The following PCDH9 variants were observed in gnomAD, a reference collection of about 807,000 sequenced individuals.
PCDH9 encodes the protein protocadherin-9.
In PCDH9, 24 loss-of-function variants were observed where a neutral mutation model predicts 70.6. The ratio of observed to expected loss-of-function variants is 0.34; its 90% CI spans 0.25 to 0.48. The LOEUF (loss-of-function observed/expected upper bound fraction) is 0.48. Ranked by LOEUF, PCDH9 falls within the 20% of genes least tolerant of loss-of-function variation. The probability of loss-of-function intolerance (pLI) is 0.99; values close to 1 mark genes in which losing one functional copy is unlikely to be tolerated. For synonymous variants in PCDH9, 562 were observed against 558.5 expected (o/e 1.01, Z -0.09); for missense variants, 1,281 against 1,503.6 (o/e 0.85, Z 2.45).
intron 4 of PCDH9, among the ~76,000 whole-genome samples, chr13:66,629,384 G>A (rs148382667): frequency 2.6e-5 from 4 of 152,310 alleles, no homozygotes; most frequent in African/African-American, 9.6e-5. Flanking sequence ...AACAAGAGAT[G>A]TTTTAAAATT....
intron 3 of PCDH9, among the ~76,000 whole-genome samples, chr13:66,764,289 T>C (rs954447619): frequency 6.6e-6 from 1 of 151,474 alleles, no homozygotes. Context: ...TCTCATTCTG[T>C]CTTTATTTTA....
rs1419043731 is a variant in PCDH9 at position 66,303,267 on chromosome 13, T to C, written c.*1388A>G. The C allele has an allele frequency of 6.6e-6, 1 of 152,482 alleles. No individual in the cohort carries two copies. Among genetic ancestry groups the C allele is most frequent in the Non-Finnish European group, 1.5e-5 (1 of 67,982 alleles). The allele number at this position is 152,482 out of a possible 1,614,324, so 9.4% of individuals were successfully genotyped here. ...AAAACCTCCTAAGAATGTTCGAATT[T>C]GGATTTGTTTGCACGTGCAACTGAG... is the stretch of plus-strand genomic sequence containing the variant. On this transcript the variant is annotated 3_prime_UTR_variant, in exon 5 of 5. Transcript: ENST00000377865.
rs73505814 is a variant in PCDH9 at position 66,319,498 on chromosome 13, T to C, written c.3341-14470A>G. On this transcript the variant is annotated intron_variant, in intron 4 of 4. Transcript: ENST00000377865. Reference sequence around the variant, plus strand: ...GCCATGGCTTGAGCATCTTTCAGTGTGCTGGCATAAAAGAAATGGCACTCA... The same window carrying C: ...GCCATGGCTTGAGCATCTTTCAGTGCGCTGGCATAAAAGAAATGGCACTCA... Among the ~76,000 whole-genome samples the C allele has an allele frequency of 9.4e-3, 1,430 of 151,622 alleles. 47 individuals carry two copies. Among genetic ancestry groups the C allele is most frequent in the African/African-American group, 0.033 (1,341 of 40,928 alleles).
chr13:66,771,587 A>C (rs2079807449), intron 3 of PCDH9, among the ~76,000 whole-genome samples: 1 of 152,170 alleles, frequency 6.6e-6, no homozygotes, highest in African/African-American at 2.4e-5. Flanking sequence ...ATGAACATCA[A>C]AGCCTAAAAC....
chr13:67,042,996 T>TCGCC (rs1173687212), intron 2 of PCDH9, among the ~76,000 whole-genome samples: 3 of 152,096 alleles, frequency 2.0e-5, no homozygotes, highest in Non-Finnish European at 4.4e-5. Flanking sequence ...ATTTGTAAAG[T>TCGCC]TCACAAGTTG....
At chr13:66,903,472 A>G (rs1250610567) in intron 3 of PCDH9, 32 bp downstream of exon 3, 1 of 855,678 alleles carries the variant, frequency 1.2e-6, no homozygotes, top group Non-Finnish European at 2.0e-6. Flanking sequence ...ATTTATCAGT[A>G]CTAACATGTT....
chr13:67,117,538 G>A (rs928721848), intron 2 of PCDH9, among the ~76,000 whole-genome samples: 1 of 151,990 alleles, frequency 6.6e-6, no homozygotes, highest in African/African-American at 2.4e-5. Flanking sequence ...TGAGAAACAC[G>A]GAAGTAAGAG....
chr13:66,767,546 G>A (rs1183693349), intron 3 of PCDH9, among the ~76,000 whole-genome samples: 1 of 152,004 alleles, frequency 6.6e-6, no homozygotes, highest in Admixed American at 6.6e-5. Context: ...CACCTTAATA[G>A]CAGTGTACCT....
At chr13:67,054,495 T>C (rs1288716782) in intron 2 of PCDH9, among the ~76,000 whole-genome samples, 2 of 152,192 alleles carry the variant, frequency 1.3e-5, no homozygotes, top group Non-Finnish European at 2.9e-5. Flanking sequence ...TTAAAAGCCC[T>C]AATTAGCAGC....
At chr13:67,002,715 A>G (rs561083201) in intron 2 of PCDH9, among the ~76,000 whole-genome samples, 2 of 148,718 alleles carry the variant, frequency 1.3e-5, no homozygotes, top group East Asian at 3.9e-4. Flanking sequence ...TTAATCTTCT[A>G]TGAACTTCTT....
rs1294228121 is a variant in PCDH9 at position 66,853,153 on chromosome 13, T to C, written c.3138+50351A>G. Among the ~76,000 whole-genome samples the C allele has an allele frequency of 6.6e-5, 10 of 150,976 alleles. No homozygotes were observed. The East Asian group carries it at 1.4e-3, about 21-fold the overall frequency. ...TACAGAAATAGTCAAAAACAACAAA[T>C]GGTGGTTATAAAAAAAGTTAGTTTA... On this transcript the variant is annotated intron_variant, in intron 3 of 4. Transcript: ENST00000377865.
At chr13:66,698,526 G>A (rs2078593143) in intron 3 of PCDH9, among the ~76,000 whole-genome samples, 1 of 152,100 alleles carries the variant, frequency 6.6e-6, no homozygotes. Context: ...ACTAATTAGT[G>A]CTACCTTTCT....
intron 4 of PCDH9, among the ~76,000 whole-genome samples, chr13:66,614,311 G>A (rs1193183230): frequency 1.3e-5 from 2 of 152,162 alleles, no homozygotes; most frequent in Non-Finnish European, 2.9e-5. Flanking sequence ...TTGCAGAAGA[G>A]GTTCTCTGTG....
chr13:66,315,141 C>T (rs1256688430), intron 4 of PCDH9, among the ~76,000 whole-genome samples: 3 of 152,138 alleles, frequency 2.0e-5, no homozygotes, highest in Admixed American at 6.5e-5. Flanking sequence ...CTGGGCAGCT[C>T]GCACACAACA....
chr13:66,381,965 A>G, intron 4 of PCDH9, among the ~76,000 whole-genome samples: 1 of 152,110 alleles, frequency 6.6e-6, no homozygotes, highest in Admixed American at 6.5e-5. Flanking sequence ...AGGGATGTGT[A>G]AGAGTAGAAT....
At chr13:66,883,206 G>A (rs1029778553) in intron 3 of PCDH9, among the ~76,000 whole-genome samples, 3 of 151,988 alleles carry the variant, frequency 2.0e-5, no homozygotes, top group African/African-American at 4.8e-5. Flanking sequence ...TGCTACCTAC[G>A]AATGTTCAAT....
At chr13:66,333,082 A>T (rs553914985) in intron 4 of PCDH9, among the ~76,000 whole-genome samples, 1 of 152,124 alleles carries the variant, frequency 6.6e-6, no homozygotes, top group South Asian at 2.1e-4. Context: ...AATTGAAAAC[A>T]TACTGAATTC....
chr13:66,437,576 T>C (rs1309853784), intron 4 of PCDH9, among the ~76,000 whole-genome samples: 1 of 151,820 alleles, frequency 6.6e-6, no homozygotes, highest in Non-Finnish European at 1.5e-5. Context: ...ATCAAGGAAA[T>C]ATAAATAAAA....
chr13:66,782,399 A>C (rs1433930375), intron 3 of PCDH9, among the ~76,000 whole-genome samples: 1 of 152,134 alleles, frequency 6.6e-6, no homozygotes, highest in Non-Finnish European at 1.5e-5. Context: ...TCAATGGGGT[A>C]TCAATCATGG....
Sources: allele counts gnomAD v4.1 joint callset (sites outside exome capture counted in the v4.1 genomes callset), GRCh38; gene constraint gnomAD v4.1.1; transcripts MANE v1.5; gene names NCBI Gene and HGNC (gene_info 2026-07-23, HGNC 2026-07-21).